Variants in SGCD observed in about 807,000 individuals in gnomAD.
The protein encoded by SGCD is delta-sarcoglycan.
Under a neutral mutation model 36.6 loss-of-function variants are expected in SGCD, and 18 were observed. The observed-to-expected ratio is 0.49, with a 90% CI of 0.34 to 0.73. SGCD has a LOEUF of 0.73. Ranked by LOEUF, SGCD falls within the 30% of genes least tolerant of loss-of-function variation. The pLI is 0.01. For synonymous variants in SGCD, 133 were observed against 130.6 expected (o/e 1.02, Z -0.12); for missense variants, 387 against 346.7 (o/e 1.12, Z -0.92).
chr5:156,450,699 T>G (rs576378237), intron 3 of SGCD, among the ~76,000 whole-genome samples: 1 of 152,248 alleles, frequency 6.6e-6, no homozygotes, highest in African/African-American at 2.4e-5. Context: ...ACACTGGCAT[T>G]CATTTTCAAA....
chr5:156,361,587 A>T (rs142867569), intron 3 of SGCD, among the ~76,000 whole-genome samples: 18 of 152,334 alleles, frequency 1.2e-4, no homozygotes, highest in African/African-American at 3.8e-4. Flanking sequence ...TACAAAGAGG[A>T]AAATAAGTTT....
At chr5:155,852,865 A>G in the SGCD span, among the ~76,000 whole-genome samples, 1 of 152,198 alleles carries the variant, frequency 6.6e-6, no homozygotes, top group African/African-American at 2.4e-5. Context: ...AGAGTTGTTC[A>G]AGTAATAGAG....
At chr5:156,706,607 G>A (rs1322462234) in intron 7 of SGCD, among the ~76,000 whole-genome samples, 2 of 152,052 alleles carry the variant, frequency 1.3e-5, no homozygotes, top group African/African-American at 2.4e-5. Flanking sequence ...TTGAAATCTT[G>A]ACACTTTGCT....
At chr5:156,411,315 C>T (rs1772739508) in intron 3 of SGCD, among the ~76,000 whole-genome samples, 1 of 152,170 alleles carries the variant, frequency 6.6e-6, no homozygotes, top group African/African-American at 2.4e-5. Flanking sequence ...CCTTTCCCCA[C>T]CCTCCTTGTA....
chr5:155,889,918 A>G (rs981381199), intron 1 of SGCD, among the ~76,000 whole-genome samples: 5 of 152,202 alleles, frequency 3.3e-5, no homozygotes, highest in Admixed American at 2.6e-4. Flanking sequence ...CTCCTCTTGC[A>G]GGAATATGAA....
At chr5:156,045,290 A>G (rs1759736408) in intron 1 of SGCD, among the ~76,000 whole-genome samples, 1 of 152,146 alleles carries the variant, frequency 6.6e-6, no homozygotes, top group Non-Finnish European at 1.5e-5. Context: ...ACATGCTCAC[A>G]TACACATATA....
At chr5:156,336,557 A>G (rs568985794) in intron 2 of SGCD, among the ~76,000 whole-genome samples, 456 of 152,264 alleles carry the variant, frequency 3.0e-3, no homozygotes, top group African/African-American at 0.011. Flanking sequence ...TTATGTTTTT[A>G]TGGGACTATC....
chr5:156,073,834 T>C (rs77171253), intron 1 of SGCD, among the ~76,000 whole-genome samples: 9,979 of 152,238 alleles, frequency 0.066, 1,040 homozygotes, highest in African/African-American at 0.22. Flanking sequence ...TATTTGAAAG[T>C]CCCATATGTT....
At chr5:156,184,211 G>A (rs576251684) in intron 3 of SGCD, among the ~76,000 whole-genome samples, 6 of 152,178 alleles carry the variant, frequency 3.9e-5, no homozygotes, top group East Asian at 1.9e-4. Flanking sequence ...CTGGAAGTAC[G>A]GTTTCTGCTG....
chr5:156,585,871 A>T (rs1275187696), intron 4 of SGCD, among the ~76,000 whole-genome samples: 1 of 152,158 alleles, frequency 6.6e-6, no homozygotes, highest in African/African-American at 2.4e-5. Flanking sequence ...TAATAAAAAA[A>T]CTTTGTATTT....
chr5:156,753,071 C>A (rs1044520428), intron 7 of SGCD, among the ~76,000 whole-genome samples: 12 of 152,194 alleles, frequency 7.9e-5, no homozygotes, highest in African/African-American at 2.7e-4. Context: ...TCAGCATCAC[C>A]TGGGAACTTG....
chr5:156,741,937 A>ACTAT (rs952923441), intron 7 of SGCD, among the ~76,000 whole-genome samples: 7 of 150,898 alleles, frequency 4.6e-5, no homozygotes, highest in Non-Finnish European at 7.4e-5. Context: ...GCACAGTGGC[A>ACTAT]CTATCTCAGC....
chr5:155,867,361 G>T (rs982435025), upstream of SGCD, among the ~76,000 whole-genome samples: 1 of 152,124 alleles, frequency 6.6e-6, no homozygotes, highest in African/African-American at 2.4e-5. Context: ...GATACTGAAG[G>T]ACTCCCAGCT....
At chr5:156,067,629 G>A (rs1399367530) in intron 1 of SGCD, among the ~76,000 whole-genome samples, 1 of 105,316 alleles carries the variant, frequency 9.5e-6, no homozygotes, top group Non-Finnish European at 1.7e-5. Context: ...CCAGGTGTGG[G>A]ATATAGTCTC....
chr5:156,198,478 G>C (rs1440034652), intron 3 of SGCD, among the ~76,000 whole-genome samples: 1 of 152,092 alleles, frequency 6.6e-6, no homozygotes, highest in African/African-American at 2.4e-5. Context: ...AGTCCCTGCT[G>C]TGTAGAGAAG....
chr5:156,196,579 A>T (rs1266417305), intron 3 of SGCD, among the ~76,000 whole-genome samples: 4 of 152,236 alleles, frequency 2.6e-5, no homozygotes, highest in African/African-American at 9.6e-5. Flanking sequence ...CATATTGGTC[A>T]TGACTTTAAT....
chr5:156,103,650 C>T (rs1327843921), intron 1 of SGCD, among the ~76,000 whole-genome samples: 1 of 152,016 alleles, frequency 6.6e-6, no homozygotes, highest in African/African-American at 2.4e-5. Context: ...GCCCCCAGCA[C>T]CCAGCCAAAC....
intron 3 of SGCD, among the ~76,000 whole-genome samples, chr5:156,184,573 A>G (rs1348185222): frequency 1.3e-5 from 2 of 152,092 alleles, no homozygotes; most frequent in Admixed American, 1.3e-4. Context: ...TATTTATGAG[A>G]CTTCTTAAAA....
In SGCD at chr5:156,056,465, C is replaced by CCCGAAT. The variant is rs1323431774; in HGVS notation, c.-281-61412_-281-61407dup. On this transcript the variant is annotated intron_variant, in intron 1 of 9. Coordinates refer to the SGCD transcript ENST00000517913. Reference sequence around the variant, plus strand: ...TCAGTGCTCAAGATATTTTTCAGACCCCGAATTCTGATGCACCAGCTGATG... The same window carrying CCCGAAT: ...TCAGTGCTCAAGATATTTTTCAGACCCCGAATCCGAATTCTGATGCACCAGCTGATG... 2.3e-4 allele frequency among the ~76,000 whole-genome samples: 33 copies of CCCGAAT among 143,576 alleles called. 5 individuals are homozygous for CCCGAAT. Among genetic ancestry groups the CCCGAAT allele is most frequent in the Admixed American group, 4.2e-4 (6 of 14,278 alleles). The allele number at this position is 143,576 out of a possible 152,430, so 94.2% of individuals were successfully genotyped here.
Sources: gnomAD v4.1 joint callset for allele counts (sites outside exome capture counted in the v4.1 genomes callset) on GRCh38, gnomAD v4.1.1 for gene constraint, MANE v1.5 for transcripts, NCBI Gene and HGNC (gene_info 2026-07-23, HGNC 2026-07-21) for gene names.